Variants in CAMTA1 observed in about 807,000 individuals in gnomAD.
CAMTA1 encodes calmodulin binding transcription activator 1, also known as calmodulin-binding transcription activator 1.
CAMTA1 carries 27 observed loss-of-function variants against 170.9 expected under a neutral mutation model. The ratio of observed to expected loss-of-function variants is 0.16; its 90% CI spans 0.12 to 0.22. The LOEUF (loss-of-function observed/expected upper bound fraction) is 0.22, where lower values mean the gene tolerates loss of function less well. Among genes scored for constraint, CAMTA1 ranks in the 10% least tolerant of loss-of-function variants. The pLI is 1.00. For missense variants in CAMTA1, 1,619 were observed against 2,217.2 expected, an observed-to-expected ratio of 0.73 and a Z score of 5.42; for synonymous variants, 833 against 891.5, an observed-to-expected ratio of 0.93 and a Z score of 1.17.
At chr1:6,926,470 T>TTCTTTCTTTCTTTCTC (rs1683220208) in intron 3 of CAMTA1, among the ~76,000 whole-genome samples, 1 of 145,214 alleles carries the variant, frequency 6.9e-6, no homozygotes, top group Admixed American at 6.8e-5. Flanking sequence ...CTTTCTTTCT[T>TTCTTTCTTTCTTTCTC]TCTTTCTTTC....
At chr1:7,047,521 C>T (rs1558021102) in intron 3 of CAMTA1, among the ~76,000 whole-genome samples, 1 of 152,178 alleles carries the variant, frequency 6.6e-6, no homozygotes, top group Non-Finnish European at 1.5e-5. Flanking sequence ...TTTCTCTCTT[C>T]TCCATTCCTG....
At chr1:7,199,765 T>A (rs1656310117) in intron 4 of CAMTA1, among the ~76,000 whole-genome samples, 2 of 151,286 alleles carry the variant, frequency 1.3e-5, no homozygotes, top group African/African-American at 4.9e-5. Context: ...GGGTGGGGAG[T>A]GGGTTTTTAA....
chr1:7,730,388 T>C (rs2096722768), intron 11 of CAMTA1, among the ~76,000 whole-genome samples: 1 of 152,168 alleles, frequency 6.6e-6, no homozygotes, highest in African/African-American at 2.4e-5. Flanking sequence ...GCATGTGCTA[T>C]TACCAGGCCT....
At position 7,315,916 on chromosome 1, in the gene CAMTA1, T is replaced by C. The variant is rs116142590; in HGVS notation, c.438+66290T>C. ...AAAGACACTACCTGAGACTGGGTAATTTATAGAGGAAAGAGGTTTAATTGA... is the reference window on the plus strand; with the variant it reads ...AAAGACACTACCTGAGACTGGGTAACTTATAGAGGAAAGAGGTTTAATTGA... On this transcript the variant is annotated intron_variant, in intron 5 of 22. Coordinates refer to ENST00000303635, the MANE Select transcript of CAMTA1 (RefSeq NM_015215.4). Among the ~76,000 whole-genome samples the C allele has an allele frequency of 5.4e-3, 820 of 152,300 alleles. 11 individuals carry two copies. The highest frequency in any genetic ancestry group is 0.019 in the African/African-American group (782 of 41,548).
chr1:7,594,743 G>A lies in CAMTA1; in HGVS notation c.511-45657G>A, dbSNP rs547497331. Among the ~76,000 whole-genome samples, 6 of 152,348 alleles carry A rather than the reference G, an allele frequency of 3.9e-5. 1 individual carries two copies. In the South Asian group the frequency reaches 1.2e-3, roughly 32 times the overall value. On this transcript the variant is annotated intron_variant, in intron 6 of 22. Coordinates refer to ENST00000303635, the MANE Select transcript of CAMTA1 (RefSeq NM_015215.4). ...TTTGGATGTGAAGTTAAGACGAAGA[G>A]AGGACTTCAGAGCAACACATGGATT...
intron 4 of CAMTA1, among the ~76,000 whole-genome samples, chr1:7,244,711 A>G (rs865971374): frequency 4.5e-4 from 69 of 152,096 alleles, no homozygotes; most frequent in Admixed American, 1.6e-3. Flanking sequence ...TGGACACAGG[A>G]AGGGGAACAG....
chr1:7,320,956 T>G (rs911705678), intron 5 of CAMTA1, among the ~76,000 whole-genome samples: 1 of 152,318 alleles, frequency 6.6e-6, no homozygotes, highest in South Asian at 2.1e-4. Context: ...TCAGATCAAC[T>G]TGGACTCTGT....
rs565251109 is a variant in CAMTA1 at position 7,701,572 on chromosome 1, C to T, written c.2914+23839C>T. Among the ~76,000 whole-genome samples the T allele has an allele frequency of 3.9e-5, 6 of 152,096 alleles. No homozygotes were observed. The South Asian group carries it at 8.3e-4, about 21-fold the overall frequency. ...CTAGGACTACAGACACACACCACCA[C>T]ACCCCGCTAATTTTTTTTAAAAAAA... On this transcript the variant is annotated intron_variant, in intron 11 of 22. Coordinates refer to ENST00000303635, the MANE Select transcript of CAMTA1 (RefSeq NM_015215.4).
At chr1:7,558,723 C>A (rs770125426) in intron 6 of CAMTA1, among the ~76,000 whole-genome samples, 2 of 152,230 alleles carry the variant, frequency 1.3e-5, no homozygotes, top group East Asian at 1.9e-4. Context: ...TCCGCCACCC[C>A]CTGTGTCTGC....
chr1:7,122,799 C>T (rs939689260), intron 4 of CAMTA1, among the ~76,000 whole-genome samples: 1 of 152,150 alleles, frequency 6.6e-6, no homozygotes, highest in African/African-American at 2.4e-5. Context: ...AAGCCAGAAG[C>T]TTGGTGTCGC....
At chr1:7,279,884 G>A (rs1167251091) in intron 5 of CAMTA1, among the ~76,000 whole-genome samples, 1 of 152,140 alleles carries the variant, frequency 6.6e-6, no homozygotes, top group Non-Finnish European at 1.5e-5. Context: ...AAAAGAACTT[G>A]CCAAGAGAGA....
At chr1:7,025,431 G>A (rs1030478698) in intron 3 of CAMTA1, among the ~76,000 whole-genome samples, 1 of 152,172 alleles carries the variant, frequency 6.6e-6, no homozygotes, top group African/African-American at 2.4e-5. Context: ...GGAACCATAG[G>A]ATATATGGTT....
At chr1:7,403,925 G>C (rs1413513780) in intron 5 of CAMTA1, among the ~76,000 whole-genome samples, 1 of 152,182 alleles carries the variant, frequency 6.6e-6, no homozygotes, top group Non-Finnish European at 1.5e-5. Context: ...TGGCTTCTCA[G>C]TGGCAGAGTC....
At chr1:6,905,148 G>C (rs1389038501) in intron 3 of CAMTA1, among the ~76,000 whole-genome samples, 2 of 149,586 alleles carry the variant, frequency 1.3e-5, no homozygotes, top group Admixed American at 6.6e-5. Context: ...TTGGGCCCTC[G>C]TGAGTCCCTG....
At chr1:6,862,739 T>C (rs1483641380) in intron 3 of CAMTA1, among the ~76,000 whole-genome samples, 1 of 152,132 alleles carries the variant, frequency 6.6e-6, no homozygotes, top group African/African-American at 2.4e-5. Context: ...TTTGTGACCC[T>C]CCTCTCGCAT....
At chr1:6,881,786 T>G (rs1671697707) in intron 3 of CAMTA1, among the ~76,000 whole-genome samples, 1 of 152,016 alleles carries the variant, frequency 6.6e-6, no homozygotes, top group Admixed American at 6.6e-5. Context: ...GCCAACATAA[T>G]GAAACCCTGT....
intron 3 of CAMTA1, among the ~76,000 whole-genome samples, chr1:6,898,618 T>C (rs1035702942): frequency 2.6e-5 from 4 of 152,152 alleles, no homozygotes; most frequent in African/African-American, 7.2e-5. Flanking sequence ...TTATAGTTCA[T>C]AGAGTGTGAG....
chr1:7,377,177 C>T (rs1416986309), intron 5 of CAMTA1, among the ~76,000 whole-genome samples: 1 of 152,206 alleles, frequency 6.6e-6, no homozygotes, highest in African/African-American at 2.4e-5. Context: ...GACCTGACCA[C>T]CTCCCAGAGT....
At chr1:7,405,937 G>A (rs539666084) in intron 5 of CAMTA1, among the ~76,000 whole-genome samples, 15 of 152,324 alleles carry the variant, frequency 9.8e-5, no homozygotes, top group African/African-American at 3.6e-4. Flanking sequence ...TGCTGTTGGG[G>A]ATTTGGGGGA....
Sources: allele counts gnomAD v4.1 joint callset (sites outside exome capture counted in the v4.1 genomes callset), GRCh38; gene constraint gnomAD v4.1.1; transcripts MANE v1.5; gene names NCBI Gene and HGNC (gene_info 2026-07-23, HGNC 2026-07-21).